Variants in GINS1 observed in about 807,000 individuals in gnomAD.
GINS1 encodes the protein DNA replication complex GINS protein PSF1.
In GINS1, 26 loss-of-function variants were observed where a neutral mutation model predicts 34.9. That is an observed-to-expected ratio of 0.74 (90% CI 0.55 to 1.03). The LOEUF is 1.03. Among genes scored for constraint, GINS1 ranks in the 50% least tolerant of loss-of-function variants. GINS1 has a pLI of 0.00. For synonymous variants in GINS1, 97 were observed against 84.4 expected (o/e 1.15, Z -0.82); for missense variants, 235 against 237.9 (o/e 0.99, Z 0.08).
chr20:25,424,889 A>G (rs181017737), intron 4 of GINS1, among the ~76,000 whole-genome samples: 1 of 152,328 alleles, frequency 6.6e-6, no homozygotes, highest in African/African-American at 2.4e-5. Flanking sequence ...AATAGCATCA[A>G]TGCAGAGTTT....
intron 3 of GINS1, 85 bp from the exon 4 acceptor site, chr20:25,418,020 G>A (rs75414452): frequency 0.011 from 8,599 of 790,648 alleles, 64 homozygotes; most frequent in Non-Finnish European, 0.017. Context: ...TTTAGAGCTG[G>A]TGTGTTTGCA....
intron 1 of GINS1, among the ~76,000 whole-genome samples, chr20:25,411,831 T>C (rs2090287168): frequency 6.6e-6 from 1 of 151,970 alleles, no homozygotes; most frequent in Non-Finnish European, 1.5e-5. Context: ...TCCCAGCTAC[T>C]TGAGAGGCTA....
At chr20:25,423,475 T>TTTTTTTTTTTTG in intron 4 of GINS1, among the ~76,000 whole-genome samples, 1 of 124,298 alleles carries the variant, frequency 8.0e-6, no homozygotes, top group African/African-American at 3.0e-5. Context: ...TTTTTTTTTT[T>TTTTTTTTTTTTG]TTTTTTTTTT....
At chr20:25,445,457 C>T (rs561782738) in intron 6 of GINS1, among the ~76,000 whole-genome samples, 47 of 152,278 alleles carry the variant, frequency 3.1e-4, no homozygotes, top group African/African-American at 1.1e-3. Context: ...CGCCATTCTC[C>T]TGCCTCAGCC....
At chr20:25,424,623 C>T (rs560362744) in intron 4 of GINS1, among the ~76,000 whole-genome samples, 2 of 152,280 alleles carry the variant, frequency 1.3e-5, no homozygotes, top group South Asian at 4.1e-4. Flanking sequence ...TATAGTTACT[C>T]TATATTTTCT....
At position 25,417,100 on chromosome 20, in the gene GINS1, TC is replaced by T. The variant is rs759992752; in HGVS notation, c.141-3del. On this transcript the variant is annotated splice_region_variant and splice_polypyrimidine_tract_variant and intron_variant, in intron 2 of 6. Transcript: ENST00000262460. Reference sequence around the variant, plus strand: ...TTTTTTTTCTTTTTAAATGCTCCTATCAGGAATGAAGCAAAGTCAGGTGGAC... The same window carrying T: ...TTTTTTTTCTTTTTAAATGCTCCTATAGGAATGAAGCAAAGTCAGGTGGAC... 9 of 1,418,334 alleles carry T rather than the reference TC, an allele frequency of 6.3e-6. No individual in the cohort carries two copies. In the African/African-American group the frequency reaches 8.5e-5, roughly 13 times the overall value. The allele number at this position is 1,418,334 out of a possible 1,614,324, so 87.9% of individuals were successfully genotyped here. A position where few individuals can be genotyped will look rare whatever the true frequency, so the allele number is the denominator to read the frequency against.
At chr20:25,411,484 G>A (rs1485031902) in intron 1 of GINS1, among the ~76,000 whole-genome samples, 1 of 152,082 alleles carries the variant, frequency 6.6e-6, no homozygotes, top group Non-Finnish European at 1.5e-5. Flanking sequence ...TTCGATTGTT[G>A]GCAGACCTAT....
intron 1 of GINS1, among the ~76,000 whole-genome samples, chr20:25,412,039 C>T (rs929157191): frequency 9.2e-5 from 14 of 151,954 alleles, no homozygotes; most frequent in African/African-American, 3.1e-4. Flanking sequence ...ACCTGGGAGG[C>T]AGAGGTTGCA....
chr20:25,440,883 T>C (rs1314515558), intron 5 of GINS1, among the ~76,000 whole-genome samples: 7 of 151,060 alleles, frequency 4.6e-5, no homozygotes, highest in Non-Finnish European at 1.0e-4. Context: ...TCTGGAGTGG[T>C]ATTTCTCATA....
At chr20:25,413,601 G>C (rs556495599) in intron 1 of GINS1, 189 bp from the exon 2 acceptor site, 60 of 566,298 alleles carry the variant, frequency 1.1e-4, no homozygotes, top group Non-Finnish European at 1.8e-4. Context: ...ATTCCCACCA[G>C]CAATGTACGA....
chr20:25,440,407 G>A (rs957750758), intron 5 of GINS1, among the ~76,000 whole-genome samples: 2 of 152,202 alleles, frequency 1.3e-5, no homozygotes, highest in African/African-American at 4.8e-5. Context: ...ACCCACAAAT[G>A]GGTGAGGGGA....
At chr20:25,418,826 G>C (rs187636312) in intron 4 of GINS1, among the ~76,000 whole-genome samples, 1 of 152,278 alleles carries the variant, frequency 6.6e-6, no homozygotes, top group African/African-American at 2.4e-5. Context: ...TAAATTGCTG[G>C]CCCTGTGATT....
intron 5 of GINS1, among the ~76,000 whole-genome samples, chr20:25,437,092 T>C (rs774845426): frequency 7.2e-5 from 11 of 152,242 alleles, no homozygotes. Context: ...CTTTCTAATT[T>C]TTCCTGTATA....
rs144525277 is a variant in GINS1 at position 25,427,259 on chromosome 20, C to T, written c.447+1932C>T. Among the ~76,000 whole-genome samples the T allele has an allele frequency of 1.6e-3, 244 of 152,200 alleles. 3 individuals are homozygous for T. The highest frequency in any genetic ancestry group is 5.5e-3 in the African/African-American group (229 of 41,532). ...GGCTCAACCTGCAACCTCCACCTCC[C>T]AGGTTCACCTCAACTGCAACCTCCA... is the stretch of plus-strand genomic sequence containing the variant. On this transcript the variant is annotated intron_variant, in intron 5 of 6. Coordinates refer to ENST00000262460, the MANE Select transcript of GINS1 (RefSeq NM_021067.5).
intron 5 of GINS1, among the ~76,000 whole-genome samples, chr20:25,431,974 C>G (rs2090429606): frequency 6.6e-6 from 1 of 151,598 alleles, no homozygotes; most frequent in Admixed American, 6.6e-5. Flanking sequence ...TTCAAGTGAT[C>G]CTTCCACCAC....
intron 5 of GINS1, among the ~76,000 whole-genome samples, chr20:25,432,242 C>T (rs2090431113): frequency 6.6e-6 from 1 of 151,800 alleles, no homozygotes; most frequent in African/African-American, 2.4e-5. Context: ...ACTGCTTTTG[C>T]TGCATTCCAT....
At chr20:25,430,364 A>G (rs920016213) in intron 5 of GINS1, among the ~76,000 whole-genome samples, 1 of 152,228 alleles carries the variant, frequency 6.6e-6, no homozygotes, top group South Asian at 2.1e-4. Flanking sequence ...TTCTGTATCA[A>G]TTGAAATGAT....
At chr20:25,429,913 GTCTT>G (rs1480433880) in intron 5 of GINS1, among the ~76,000 whole-genome samples, 6 of 152,156 alleles carry the variant, frequency 3.9e-5, no homozygotes, top group Admixed American at 1.3e-4. Context: ...AAAGCTTTCA[GTCTT>G]TCTTTTTCTT....
In GINS1 at chr20:25,430,321, T is replaced by C. The variant is rs547827355; in HGVS notation, c.447+4994T>C. 1.1e-4 allele frequency among the ~76,000 whole-genome samples: 16 copies of C among 152,374 alleles called. No homozygotes were observed. In the South Asian group the frequency reaches 3.3e-3, roughly 32 times the overall value. On this transcript the variant is annotated intron_variant, in intron 5 of 6. Transcript: ENST00000262460. ...CTGTTCCTAGTTTGTTGAGTATTTT[T>C]ATGAAAGGAAGTTGAATTTTGTCAA...
Sources: allele counts gnomAD v4.1 joint callset (sites outside exome capture counted in the v4.1 genomes callset), GRCh38; gene constraint gnomAD v4.1.1; transcripts MANE v1.5; gene names NCBI Gene and HGNC (gene_info 2026-07-23, HGNC 2026-07-21).